The following TMEM108 variants were observed in gnomAD, a reference collection of about 807,000 sequenced individuals.
The protein encoded by TMEM108 is transmembrane protein 108, also known as cancer/testis antigen 124.
TMEM108 carries 12 observed loss-of-function variants against 35.1 expected under a neutral mutation model. The observed-to-expected ratio is 0.34, with a 90% CI of 0.22 to 0.55. TMEM108 has a LOEUF of 0.55. Ranked by LOEUF, TMEM108 falls within the 20% of genes least tolerant of loss-of-function variation. The pLI is 0.89. For missense variants in TMEM108, 680 were observed against 753.3 expected (o/e 0.90, Z 1.14); for synonymous variants, 287 against 308.6 (o/e 0.93, Z 0.73).
At chr3:133,079,565 G>T (rs1215055825) in intron 2 of TMEM108, among the ~76,000 whole-genome samples, 1 of 152,158 alleles carries the variant, frequency 6.6e-6, no homozygotes, top group African/African-American at 2.4e-5. Context: ...CCTCTCTGGA[G>T]TCCCTCTTAC....
chr3:133,293,856 A>G (rs1353061096), intron 3 of TMEM108, among the ~76,000 whole-genome samples: 3 of 152,142 alleles, frequency 2.0e-5, no homozygotes, highest in African/African-American at 7.2e-5. Flanking sequence ...CAATTAGAGT[A>G]TAACAGAAGA....
chr3:133,377,470 T>TA (rs2072877248), intron 3 of TMEM108, among the ~76,000 whole-genome samples: 1 of 152,238 alleles, frequency 6.6e-6, no homozygotes, highest in Non-Finnish European at 1.5e-5. Context: ...GCATCATTGA[T>TA]AGTGGTTGAC....
Position 133,235,493 on chromosome 3 carries a change from G to A in TMEM108, c.40+6142G>A, listed in dbSNP as rs144755165. On this transcript the variant is annotated intron_variant, in intron 3 of 5. Transcript: ENST00000321871. The stretch of plus-strand genomic sequence containing the variant: ...TCTTTGACAAACCTGAGAAAAACAA[G>A]CAATGGGGAAAGTTTTACCACTTTC... Among the ~76,000 whole-genome samples, 71 of 152,216 alleles carry A rather than the reference G, an allele frequency of 4.7e-4. No individual in the cohort carries two copies. The East Asian group carries it at 0.014, about 29-fold the overall frequency.
chr3:133,275,663 T>C (rs892405724), intron 3 of TMEM108, among the ~76,000 whole-genome samples: 1 of 152,208 alleles, frequency 6.6e-6, no homozygotes, highest in Non-Finnish European at 1.5e-5. Context: ...ATTTATTATT[T>C]ATTAATACCC....
At chr3:133,285,281 A>G (rs1194350007) in intron 3 of TMEM108, among the ~76,000 whole-genome samples, 1 of 152,230 alleles carries the variant, frequency 6.6e-6, no homozygotes, top group East Asian at 1.9e-4. Flanking sequence ...TTTTAAAAGC[A>G]ATCGCTGATT....
chr3:133,207,212 C>T (rs1042581698), intron 2 of TMEM108, among the ~76,000 whole-genome samples: 3 of 152,196 alleles, frequency 2.0e-5, no homozygotes, highest in African/African-American at 7.2e-5. Flanking sequence ...TACAGTCCCT[C>T]AAGGCTTCCC....
In TMEM108 at chr3:133,382,424, C is replaced by T. The variant is rs149034523; in HGVS notation, c.1450+1263C>T. 4.9e-3 allele frequency among the ~76,000 whole-genome samples: 740 copies of T among 152,300 alleles called. 6 individuals are homozygous for T. Among genetic ancestry groups the T allele is most frequent in the African/African-American group, 0.017 (704 of 41,516 alleles). On this transcript the variant is annotated intron_variant, in intron 4 of 5. Transcript: ENST00000321871. ...TCTCTTCATCCAAGCTGCTCAGCCC[C>T]GGCCCTTCAAGTCTTCTTTGTAGGG...
intron 2 of TMEM108, among the ~76,000 whole-genome samples, chr3:133,140,333 A>G (rs963089610): frequency 1.3e-5 from 2 of 152,182 alleles, no homozygotes; most frequent in Admixed American, 1.3e-4. Flanking sequence ...CTGCAGGTGC[A>G]ATTTACCATG....
intron 2 of TMEM108, among the ~76,000 whole-genome samples, chr3:133,141,911 A>G (rs1303583150): frequency 6.6e-6 from 1 of 152,156 alleles, no homozygotes; most frequent in Non-Finnish European, 1.5e-5. Flanking sequence ...TGTCCTTGGT[A>G]TTATTGGACA....
At chr3:133,171,592 T>C (rs940067094) in intron 2 of TMEM108, among the ~76,000 whole-genome samples, 1 of 152,156 alleles carries the variant, frequency 6.6e-6, no homozygotes, top group Non-Finnish European at 1.5e-5. Context: ...ATTTCCTGCT[T>C]AGAGAGGTCA....
chr3:133,216,586 G>A (rs1294240206), intron 2 of TMEM108, among the ~76,000 whole-genome samples: 2 of 151,778 alleles, frequency 1.3e-5, no homozygotes, highest in East Asian at 1.9e-4. Context: ...TTCAAATAAC[G>A]TCTCCCCAAC....
At chr3:133,372,240 C>G (rs1319748060) in intron 3 of TMEM108, among the ~76,000 whole-genome samples, 1 of 152,170 alleles carries the variant, frequency 6.6e-6, no homozygotes, top group Non-Finnish European at 1.5e-5. Context: ...TTTCCTGGAT[C>G]AAAAATTTCT....
At chr3:133,371,613 CAAAAAAA>C (rs3054624) in intron 3 of TMEM108, among the ~76,000 whole-genome samples, 29 of 78,100 alleles carry the variant, frequency 3.7e-4, no homozygotes, top group Admixed American at 1.6e-3. Flanking sequence ...CACAAACCCA[CAAAAAAA>C]AAAAAAAAAA....
intron 2 of TMEM108, among the ~76,000 whole-genome samples, chr3:133,204,085 G>A (rs1338699933): frequency 6.6e-6 from 1 of 152,100 alleles, no homozygotes; most frequent in Non-Finnish European, 1.5e-5. Context: ...TTTGTGTAGA[G>A]GTGTTTATAG....
intron 2 of TMEM108, among the ~76,000 whole-genome samples, chr3:133,116,701 G>A (rs1261663881): frequency 6.6e-6 from 1 of 152,270 alleles, no homozygotes; most frequent in Middle Eastern, 3.4e-3. Flanking sequence ...AAGCGCTCTT[G>A]TTGTCAACTG....
At chr3:133,099,313 C>A (rs1177870746) in intron 2 of TMEM108, among the ~76,000 whole-genome samples, 1 of 152,110 alleles carries the variant, frequency 6.6e-6, no homozygotes, top group Non-Finnish European at 1.5e-5. Flanking sequence ...GCATGGGGAC[C>A]CTGGGCCTGA....
intron 2 of TMEM108, among the ~76,000 whole-genome samples, chr3:133,114,943 TC>T (rs953429471): frequency 1.3e-5 from 2 of 152,076 alleles, no homozygotes; most frequent in Non-Finnish European, 2.9e-5. Flanking sequence ...GAGTAGAACA[TC>T]CAGAAAGCCC....
intron 2 of TMEM108, among the ~76,000 whole-genome samples, chr3:133,119,755 A>G (rs1944329814): frequency 6.6e-6 from 1 of 152,032 alleles, no homozygotes; most frequent in Non-Finnish European, 1.5e-5. Context: ...CTCTAATAAA[A>G]CTCCATTTTT....
chr3:133,263,249 T>C (rs1473058860), intron 3 of TMEM108, among the ~76,000 whole-genome samples: 1 of 152,182 alleles, frequency 6.6e-6, no homozygotes, highest in Non-Finnish European at 1.5e-5. Context: ...AGTGAGAAAT[T>C]AGGTGAATTC....
Sources: gnomAD v4.1 joint callset for allele counts (sites outside exome capture counted in the v4.1 genomes callset) on GRCh38, gnomAD v4.1.1 for gene constraint, MANE v1.5 for transcripts, NCBI Gene and HGNC (gene_info 2026-07-23, HGNC 2026-07-21) for gene names.